FSTL5: variants seen among roughly 807,000 people sequenced by gnomAD.
FSTL5 encodes the protein follistatin-related protein 5.
FSTL5 carries 62 observed loss-of-function variants against 89.1 expected under a neutral mutation model. The observed-to-expected ratio is 0.70, with a 90% CI of 0.57 to 0.86. The LOEUF (loss-of-function observed/expected upper bound fraction) is 0.86. FSTL5 is among the 40% of genes least tolerant of loss of function. The pLI is 0.00. For missense variants in FSTL5, 1,057 were observed against 1,001.6 expected (o/e 1.06, Z -0.75); for synonymous variants, 383 against 346.2 (o/e 1.11, Z -1.18).
At chr4:161,953,069 A>G (rs1307055166) in intron 3 of FSTL5, among the ~76,000 whole-genome samples, 2 of 151,754 alleles carry the variant, frequency 1.3e-5, no homozygotes, top group Non-Finnish European at 3.0e-5. Flanking sequence ...GAAGGCCCTG[A>G]AGATAGATGG....
chr4:161,725,536 T>C, intron 6 of FSTL5, among the ~76,000 whole-genome samples: 1 of 151,570 alleles, frequency 6.6e-6, no homozygotes, highest in South Asian at 2.1e-4. Context: ...AAAAACTATA[T>C]ATAATTAACA....
At position 161,977,591 on chromosome 4, in the gene FSTL5, C is replaced by T. The variant is rs184300871; in HGVS notation, c.160+56034G>A. ...TCACGCCACTGCACTCCAGCCTGGG[C>T]GACACAGCGAGACTCCGTGTCAAAA... On this transcript the variant is annotated intron_variant, in intron 3 of 15. Coordinates refer to ENST00000306100, the MANE Select transcript of FSTL5 (RefSeq NM_020116.5). Among the ~76,000 whole-genome samples, 1,063 of 131,464 alleles carry T rather than the reference C, an allele frequency of 8.1e-3. 17 individuals are homozygous for T. Among genetic ancestry groups the T allele is most frequent in the African/African-American group, 0.027 (907 of 34,030 alleles). 86.2% of individuals were successfully genotyped at this position (131,464 alleles called of 152,430 possible). A position where few individuals can be genotyped will look rare whatever the true frequency, so the allele number is the denominator to read the frequency against.
intron 7 of FSTL5, among the ~76,000 whole-genome samples, chr4:161,642,576 G>T (rs548433272): frequency 6.6e-6 from 1 of 152,110 alleles, no homozygotes; most frequent in South Asian, 2.1e-4. Flanking sequence ...AAAAGGTTAC[G>T]ATATATAAGG....
chr4:161,426,025 G>A (rs2126326700), intron 15 of FSTL5, among the ~76,000 whole-genome samples: 1 of 151,554 alleles, frequency 6.6e-6, no homozygotes, highest in Non-Finnish European at 1.5e-5. Flanking sequence ...AAAAAGGGTT[G>A]GAAAATATGC....
intron 6 of FSTL5, among the ~76,000 whole-genome samples, chr4:161,686,371 T>A (rs1276710094): frequency 9.2e-6 from 1 of 108,928 alleles, no homozygotes; most frequent in Admixed American, 1.0e-4. Context: ...TTTTTTTTTT[T>A]TTTTTGAGAT....
At chr4:161,465,372 T>C (rs1733716479) in intron 13 of FSTL5, among the ~76,000 whole-genome samples, 1 of 152,148 alleles carries the variant, frequency 6.6e-6, no homozygotes, top group Admixed American at 6.5e-5. Flanking sequence ...TTCAGGAATA[T>C]ATAATTACAA....
intron 4 of FSTL5, among the ~76,000 whole-genome samples, chr4:161,884,199 A>G (rs1230601021): frequency 6.6e-6 from 1 of 151,780 alleles, no homozygotes; most frequent in African/African-American, 2.4e-5. Context: ...ATAGGGATGT[A>G]CCACCACACC....
chr4:161,688,950 C>A (rs1737833806), intron 6 of FSTL5, among the ~76,000 whole-genome samples: 1 of 152,046 alleles, frequency 6.6e-6, no homozygotes, highest in African/African-American at 2.4e-5. Flanking sequence ...ATTTTATTAG[C>A]CCTATTATGG....
chr4:161,991,604 G>A (rs879684109), intron 3 of FSTL5, among the ~76,000 whole-genome samples: 1 of 152,136 alleles, frequency 6.6e-6, no homozygotes, highest in Non-Finnish European at 1.5e-5. Flanking sequence ...ATCAAAGACA[G>A]ATCAAGAATA....
intron 6 of FSTL5, among the ~76,000 whole-genome samples, chr4:161,732,632 A>T (rs547018311): frequency 6.6e-6 from 1 of 152,094 alleles, no homozygotes; most frequent in African/African-American, 2.4e-5. Context: ...TTAGTTCTTA[A>T]ATTTAGTTTT....
chr4:161,455,242 A>G, intron 14 of FSTL5, 114 bp from the exon 15 acceptor site: 1 of 700,192 alleles, frequency 1.4e-6, no homozygotes, highest in Non-Finnish European at 2.1e-6. Context: ...CATAGACTTT[A>G]TGCCATCCTC....
intron 4 of FSTL5, among the ~76,000 whole-genome samples, chr4:161,887,392 C>CATCT (rs60103951): frequency 0.015 from 2,045 of 133,110 alleles, 41 homozygotes; most frequent in African/African-American, 0.048. Context: ...CTCTATCTAT[C>CATCT]ATCTATCTAT....
At chr4:161,694,459 A>G (rs1738066613) in intron 6 of FSTL5, among the ~76,000 whole-genome samples, 1 of 151,654 alleles carries the variant, frequency 6.6e-6, no homozygotes, top group South Asian at 2.1e-4. Flanking sequence ...TGTTTTTTTT[A>G]TAATTTCTGT....
At chr4:161,958,814 T>C (rs1392308662) in intron 3 of FSTL5, among the ~76,000 whole-genome samples, 1 of 152,168 alleles carries the variant, frequency 6.6e-6, no homozygotes, top group Admixed American at 6.6e-5. Context: ...TTGAAGCCAT[T>C]GAAGACTCAG....
intron 10 of FSTL5, among the ~76,000 whole-genome samples, chr4:161,513,039 A>AGCT (rs1730699635): frequency 2.0e-5 from 3 of 152,118 alleles, no homozygotes; most frequent in Admixed American, 1.3e-4. Context: ...AATCTGTTCC[A>AGCT]ATAAGCAGAG....
At chr4:161,699,635 T>C (rs1269754826) in intron 6 of FSTL5, among the ~76,000 whole-genome samples, 1 of 152,246 alleles carries the variant, frequency 6.6e-6, no homozygotes, top group Non-Finnish European at 1.5e-5. Flanking sequence ...ACAATGAGAA[T>C]GTAACTTTTG....
In FSTL5 at chr4:161,566,517, T is replaced by C. The variant is rs548003113; in HGVS notation, c.1015+20938A>G. Among the ~76,000 whole-genome samples the C allele has an allele frequency of 1.2e-4, 19 of 152,222 alleles. 1 individual carries two copies. In the South Asian group the frequency reaches 3.5e-3, roughly 28 times the overall value. ...GAATGGTAGTTCAAGTTTTAGTTTT[T>C]TGAGAAATCGCCAAACTGTTCTCCA... On this transcript the variant is annotated intron_variant, in intron 8 of 15. Coordinates refer to ENST00000306100, the MANE Select transcript of FSTL5 (RefSeq NM_020116.5).
At chr4:161,423,088 T>G (rs1251558931) in intron 15 of FSTL5, among the ~76,000 whole-genome samples, 1 of 152,208 alleles carries the variant, frequency 6.6e-6, no homozygotes, top group East Asian at 1.9e-4. Flanking sequence ...TGTCAAGTAC[T>G]TCCTTTATGT....
chr4:161,642,744 G>A (rs976052437), intron 7 of FSTL5, among the ~76,000 whole-genome samples: 3 of 152,116 alleles, frequency 2.0e-5, no homozygotes, highest in African/African-American at 4.8e-5. Context: ...GAACTACTTA[G>A]AGTATGCAAA....
Sources: allele counts gnomAD v4.1 joint callset (sites outside exome capture counted in the v4.1 genomes callset), GRCh38; gene constraint gnomAD v4.1.1; transcripts MANE v1.5; gene names NCBI Gene and HGNC (gene_info 2026-07-23, HGNC 2026-07-21).